The following MBP variants were observed in gnomAD, a reference collection of about 807,000 sequenced individuals.
The protein encoded by MBP is Golli-MBP.
In MBP, 16 loss-of-function variants were observed where a neutral mutation model predicts 35.8. The observed-to-expected ratio is 0.45, with a 90% CI of 0.30 to 0.68. The LOEUF (loss-of-function observed/expected upper bound fraction) is 0.68, where lower values mean the gene tolerates loss of function less well. Among genes scored for constraint, MBP ranks in the 30% least tolerant of loss-of-function variants. The pLI is 0.08. For missense variants in MBP, 380 were observed against 404.7 expected, an observed-to-expected ratio of 0.94 and a Z score of 0.52; for synonymous variants, 143 against 159.6, an observed-to-expected ratio of 0.90 and a Z score of 0.78.
At chr18:76,982,242 C>G (rs1969248300) in intron 8 of MBP, 3 of 152,300 alleles carry the variant, frequency 2.0e-5, no homozygotes. Context: ...ATGCAACAGT[C>G]ACGCTTCTCT....
chr18:77,067,272 C>T (rs1172489864), intron 2 of MBP, among the ~76,000 whole-genome samples: 1 of 152,234 alleles, frequency 6.6e-6, no homozygotes, highest in East Asian at 1.9e-4. Context: ...GCACAATCAT[C>T]TGGGCACCTT....
chr18:77,016,475 T>G, intron 4 of MBP: 1 of 1,104,314 alleles, frequency 9.1e-7, no homozygotes, highest in Non-Finnish European at 1.1e-6. Context: ...AGAGGCAACA[T>G]CAGTCATCAA....
intron 1 of MBP, among the ~76,000 whole-genome samples, chr18:77,119,812 G>C (rs534018470): frequency 6.6e-6 from 1 of 152,316 alleles, no homozygotes; most frequent in East Asian, 1.9e-4. Flanking sequence ...TGCTGCGGAA[G>C]AAGGGACTCA....
intron 3 of MBP, among the ~76,000 whole-genome samples, chr18:77,062,855 C>T (rs770579695): frequency 2.0e-5 from 3 of 152,340 alleles, no homozygotes; most frequent in South Asian, 2.1e-4. Flanking sequence ...TGCCTTTCGA[C>T]GTTCACAGAG....
intron 4 of MBP, among the ~76,000 whole-genome samples, chr18:76,990,579 G>C (rs1969845832): frequency 6.6e-6 from 1 of 152,172 alleles, no homozygotes; most frequent in Non-Finnish European, 1.5e-5. Context: ...GGTAAAACTG[G>C]ACTAGGCAGG....
Position 76,988,861 on chromosome 18 carries a change from C to T in MBP, c.717+16G>A. 3 of 1,609,938 alleles carry T rather than the reference C, an allele frequency of 1.9e-6. No homozygotes were observed. Among genetic ancestry groups the T allele is most frequent in the East Asian group, 2.2e-5 (1 of 44,784 alleles). The stretch of plus-strand genomic sequence containing the variant: ...TCAGAAAAGTGATGATCAATCAAAA[C>T]ATTCCAAGGTCTTACCTTTCCCTGC... On this transcript the variant is annotated intron_variant, in intron 6 of 8. Coordinates refer to ENST00000355994, the MANE Select transcript of MBP (RefSeq NM_001025101.2). The surrounding 1 kb of genome is among the most constrained non-coding windows in gnomAD (Gnocchi z 5.2).
In MBP at chr18:77,009,469, C is replaced by T. The variant is rs1539991; in HGVS notation, c.576+7363G>A. ...TTTTCAAAGCAAACTCGGGTATGCA[C>T]GTGGCCATAGACCAGGCCAGCCCTC... On this transcript the variant is annotated intron_variant, in intron 4 of 8. Transcript: ENST00000355994. 1.9e-3 allele frequency among the ~76,000 whole-genome samples: 297 copies of T among 152,354 alleles called. No individual in the cohort carries two copies. In the East Asian group the frequency reaches 0.02, roughly 10 times the overall value.
At chr18:77,093,310 G>C (rs184803773) in intron 2 of MBP, 4 of 152,522 alleles carry the variant, frequency 2.6e-5, no homozygotes, top group Non-Finnish European at 5.9e-5. Flanking sequence ...CAGAGGGAAG[G>C]CGGCATGAGG....
Position 76,988,786 on chromosome 18 carries a change from C to G in MBP, c.717+91G>C. 1.4e-6 allele frequency: 2 copies of G among 1,460,266 alleles called. No homozygotes were observed. The highest frequency in any genetic ancestry group is 2.3e-5 in the East Asian group (1 of 43,816). 90.5% of individuals were successfully genotyped at this position (1,460,266 alleles called of 1,614,324 possible). ...CGTTTTGGGATGGATTCTGGTAGCTCGGAGCCTAACTCTCTCTTTGGTACA... is the reference window on the plus strand; with the variant it reads ...CGTTTTGGGATGGATTCTGGTAGCTGGGAGCCTAACTCTCTCTTTGGTACA... On this transcript the variant is annotated intron_variant, in intron 6 of 8. Transcript: ENST00000355994. The surrounding 1 kb of genome is among the most constrained non-coding windows in gnomAD (Gnocchi z 5.2).
chr18:77,084,419 C>CCCG (rs1555726618), intron 2 of MBP, among the ~76,000 whole-genome samples: 1 of 42,126 alleles, frequency 2.4e-5, no homozygotes, highest in Non-Finnish European at 5.6e-5. Context: ...CCGCCCCCCC[C>CCCG]GCCACACCAC....
intron 1 of MBP, chr18:77,110,131 G>A (rs898800448): frequency 3.3e-5 from 5 of 152,212 alleles, no homozygotes; most frequent in Admixed American, 6.5e-5. Context: ...ATCTAGCTAT[G>A]AGAATGCCTC....
intron 3 of MBP, among the ~76,000 whole-genome samples, chr18:77,062,308 G>A (rs962589440): frequency 1.2e-4 from 18 of 152,260 alleles, no homozygotes; most frequent in African/African-American, 4.1e-4. Flanking sequence ...TTCCCGCCTG[G>A]TTTCTAAGGA....
At chr18:77,076,504 C>T (rs1451129166) in intron 2 of MBP, among the ~76,000 whole-genome samples, 3 of 152,230 alleles carry the variant, frequency 2.0e-5, no homozygotes, top group Non-Finnish European at 2.9e-5. Context: ...GCGGCACCGT[C>T]GCTGCTGAGT....
chr18:77,022,301 G>A (rs1972020832), intron 3 of MBP, among the ~76,000 whole-genome samples: 1 of 152,226 alleles, frequency 6.6e-6, no homozygotes. Context: ...GGCTGCCAGT[G>A]TGACTGTGCT....
At chr18:77,052,867 C>T (rs1478521516) in intron 3 of MBP, among the ~76,000 whole-genome samples, 10 of 152,162 alleles carry the variant, frequency 6.6e-5, no homozygotes, top group Non-Finnish European at 1.0e-4. Flanking sequence ...CATGTATACC[C>T]CCCGGGTGGA....
chr18:77,074,612 G>A (rs547405878), intron 2 of MBP, among the ~76,000 whole-genome samples: 6 of 152,238 alleles, frequency 3.9e-5, no homozygotes, highest in African/African-American at 1.4e-4. Flanking sequence ...CATGGCGAGA[G>A]TGGTGGGGTC....
At chr18:77,037,929 C>T (rs1972843084) in intron 3 of MBP, among the ~76,000 whole-genome samples, 1 of 152,220 alleles carries the variant, frequency 6.6e-6, no homozygotes, top group African/African-American at 2.4e-5. Context: ...ACACTGCTGC[C>T]TTTGCAGGTT....
intron 3 of MBP, chr18:77,065,943 G>A (rs1974176432): frequency 4.7e-6 from 1 of 212,690 alleles, no homozygotes; most frequent in Non-Finnish European, 9.5e-6. Context: ...CTGCAGCCTC[G>A]ACCTCCTGGG....
chr18:77,014,635 T>A (rs1326347860), intron 4 of MBP: 1 of 985,328 alleles, frequency 1.0e-6, no homozygotes, highest in Non-Finnish European at 1.2e-6. Flanking sequence ...CCCCAGATTT[T>A]TAGGGCCATT....
Sources: gnomAD v4.1 joint callset for allele counts (sites outside exome capture counted in the v4.1 genomes callset) on GRCh38, gnomAD v4.1.1 for gene constraint, Gnocchi (gnomAD v3.1) non-coding constraint, MANE v1.5 for transcripts, NCBI Gene and HGNC (gene_info 2026-07-23, HGNC 2026-07-21) for gene names.